The following EPHA6 variants were observed in gnomAD, a reference collection of about 807,000 sequenced individuals.
The protein encoded by EPHA6 is ephrin type-A receptor 6.
In EPHA6, 50 loss-of-function variants were observed where a neutral mutation model predicts 112.0. That is an observed-to-expected ratio of 0.45 (90% CI 0.36 to 0.56). The LOEUF is 0.56. Among genes scored for constraint, EPHA6 ranks in the 20% least tolerant of loss-of-function variants. EPHA6 has a pLI of 0.00. For synonymous variants in EPHA6, 529 were observed against 490.7 expected (o/e 1.08, Z -1.03); for missense variants, 1,280 against 1,417.4 (o/e 0.90, Z 1.56).
intron 4 of EPHA6, among the ~76,000 whole-genome samples, chr3:97,230,690 T>A (rs147023478): frequency 6.6e-6 from 1 of 152,292 alleles, no homozygotes; most frequent in African/African-American, 2.4e-5. Flanking sequence ...ATGTACCTCG[T>A]GTATACATTG....
chr3:97,562,876 A>T (rs183562149), intron 11 of EPHA6, among the ~76,000 whole-genome samples: 1 of 152,284 alleles, frequency 6.6e-6, no homozygotes, highest in Admixed American at 6.5e-5. Context: ...CTCCACCAGT[A>T]AAAAGATTAC....
Position 97,755,881 on chromosome 3 carries a change from A to G in EPHA6, c.*7180A>G, listed in dbSNP as rs1046602518. Among the ~76,000 whole-genome samples the G allele has an allele frequency of 1.4e-4, 21 of 152,066 alleles. No individual in the cohort carries two copies. Among genetic ancestry groups the G allele is most frequent in the African/African-American group, 5.1e-4 (21 of 41,446 alleles). ...AAATCATGATAGGGAGAAGAATGCT[A>G]ATTTGTAAAGATAGGCAAACACTAC... On this transcript the variant is annotated 3_prime_UTR_variant, in exon 18 of 18. Transcript: ENST00000389672.
chr3:97,395,944 A>G (rs958367986), intron 5 of EPHA6, among the ~76,000 whole-genome samples: 10 of 151,754 alleles, frequency 6.6e-5, no homozygotes, highest in African/African-American at 1.9e-4. Context: ...AACCTAGGAC[A>G]TAGTTGGAAG....
At chr3:97,544,486 C>T (rs532955534) in intron 11 of EPHA6, among the ~76,000 whole-genome samples, 28 of 152,234 alleles carry the variant, frequency 1.8e-4, no homozygotes, top group Middle Eastern at 3.4e-3. Context: ...CTGCTGGATT[C>T]GGTTTGCCAG....
At chr3:97,567,805 G>A (rs967365641) in intron 11 of EPHA6, among the ~76,000 whole-genome samples, 5 of 152,162 alleles carry the variant, frequency 3.3e-5, no homozygotes, top group Non-Finnish European at 7.3e-5. Flanking sequence ...GAAGACAGGA[G>A]GCACAGCAAG....
intron 10 of EPHA6, among the ~76,000 whole-genome samples, chr3:97,500,155 A>G (rs1319989602): frequency 6.6e-6 from 1 of 152,196 alleles, no homozygotes; most frequent in Non-Finnish European, 1.5e-5. Flanking sequence ...AGGTCTACAC[A>G]AGATCAGGAT....
chr3:97,144,178 G>T lies in EPHA6; in HGVS notation c.1115-82086G>T, dbSNP rs150452765. On this transcript the variant is annotated intron_variant, in intron 3 of 17. Transcript: ENST00000389672. ...TATTTTGATTTTGACAACTTTCACA[G>T]AACTTTCCATTTTTGTCAGCAGGGT... 5.9e-3 allele frequency among the ~76,000 whole-genome samples: 893 copies of T among 151,766 alleles called. 4 individuals are homozygous for T. Among genetic ancestry groups the T allele is most frequent in the Admixed American group, 9.9e-3 (150 of 15,198 alleles).
chr3:97,459,488 C>A (rs2090813528), intron 7 of EPHA6, among the ~76,000 whole-genome samples: 1 of 152,146 alleles, frequency 6.6e-6, no homozygotes, highest in East Asian at 1.9e-4. Flanking sequence ...GTACAAGAAA[C>A]ACAAGATATG....
At chr3:97,507,962 T>C (rs2092288863) in intron 10 of EPHA6, among the ~76,000 whole-genome samples, 1 of 152,190 alleles carries the variant, frequency 6.6e-6, no homozygotes, top group Non-Finnish European at 1.5e-5. Context: ...GCATTTATAG[T>C]ATTCTCTGAT....
At chr3:97,385,555 T>G (rs1577188775) in intron 5 of EPHA6, among the ~76,000 whole-genome samples, 1 of 152,326 alleles carries the variant, frequency 6.6e-6, no homozygotes, top group East Asian at 1.9e-4. Context: ...CTTTGCTTCT[T>G]AAATTGTGTG....
At chr3:97,011,072 A>G (rs2044069047) in intron 3 of EPHA6, among the ~76,000 whole-genome samples, 1 of 152,170 alleles carries the variant, frequency 6.6e-6, no homozygotes, top group Admixed American at 6.5e-5. Flanking sequence ...GCCACCTGAA[A>G]AGACAAACAC....
chr3:96,836,206 T>C (rs1393359997), intron 1 of EPHA6, among the ~76,000 whole-genome samples: 2 of 152,128 alleles, frequency 1.3e-5, no homozygotes, highest in African/African-American at 4.8e-5. Flanking sequence ...TGAATAACTA[T>C]CTGGCAAAAT....
At chr3:96,870,029 G>C (rs2036548179) in intron 2 of EPHA6, among the ~76,000 whole-genome samples, 1 of 152,046 alleles carries the variant, frequency 6.6e-6, no homozygotes. Context: ...GTTGGACATA[G>C]TGAATTGGTA....
chr3:97,726,741 G>A (rs2034787591), intron 15 of EPHA6, among the ~76,000 whole-genome samples: 1 of 152,016 alleles, frequency 6.6e-6, no homozygotes, highest in South Asian at 2.1e-4. Context: ...GTATTGTAAT[G>A]CTGGAACTAC....
At chr3:97,259,803 CTTT>C (rs67059864) in intron 5 of EPHA6, among the ~76,000 whole-genome samples, 8 of 138,608 alleles carry the variant, frequency 5.8e-5, no homozygotes, top group Admixed American at 7.2e-5. Context: ...GAAAGTATAC[CTTT>C]TTTTTTTTTT....
chr3:97,602,096 C>T (rs2093647937), intron 12 of EPHA6, among the ~76,000 whole-genome samples: 1 of 152,144 alleles, frequency 6.6e-6, no homozygotes, highest in South Asian at 2.1e-4. Context: ...AAGCATATAA[C>T]ATTGCTGCTC....
At chr3:97,684,085 G>T (rs1193482381) in intron 14 of EPHA6, among the ~76,000 whole-genome samples, 1 of 151,820 alleles carries the variant, frequency 6.6e-6, no homozygotes, top group Admixed American at 6.6e-5. Context: ...CTCCCTTTAG[G>T]TACTGCTTGT....
intron 2 of EPHA6, among the ~76,000 whole-genome samples, chr3:96,883,208 T>G (rs1392440615): frequency 3.3e-5 from 5 of 152,222 alleles, no homozygotes; most frequent in Admixed American, 6.5e-5. Context: ...ATATGTTTGT[T>G]GGCCATTTGT....
At chr3:97,109,158 T>C (rs558175932) in intron 3 of EPHA6, among the ~76,000 whole-genome samples, 2 of 152,334 alleles carry the variant, frequency 1.3e-5, no homozygotes, top group South Asian at 4.1e-4. Context: ...TATTTTTGAA[T>C]GAATGAGTGA....
Sources: allele counts gnomAD v4.1 joint callset (sites outside exome capture counted in the v4.1 genomes callset), GRCh38; gene constraint gnomAD v4.1.1; transcripts MANE v1.5; gene names NCBI Gene and HGNC (gene_info 2026-07-23, HGNC 2026-07-21).